TENM2: variants seen among roughly 807,000 people sequenced by gnomAD.
The protein encoded by TENM2 is teneurin-2.
Under a neutral mutation model 245.2 loss-of-function variants are expected in TENM2, and 52 were observed. The observed-to-expected ratio is 0.21, with a 90% CI of 0.17 to 0.27. The LOEUF (loss-of-function observed/expected upper bound fraction) is 0.27, where lower values mean the gene tolerates loss of function less well. Among genes scored for constraint, TENM2 ranks in the 10% least tolerant of loss-of-function variants. TENM2 has a pLI of 1.00. For missense variants in TENM2, 3,046 were observed against 3,666.8 expected, an observed-to-expected ratio of 0.83 and a Z score of 4.37; for synonymous variants, 1,363 against 1,438.9, an observed-to-expected ratio of 0.95 and a Z score of 1.19.
intron 2 of TENM2, among the ~76,000 whole-genome samples, chr5:167,831,636 G>C (rs1193256453): frequency 6.6e-6 from 1 of 151,782 alleles, no homozygotes; most frequent in African/African-American, 2.4e-5. Flanking sequence ...TTATTCTTTT[G>C]GTCCATTTTG....
In TENM2 at chr5:168,012,762, T is replaced by C. The variant is rs556290573; in HGVS notation, c.1186+19580T>C. Among the ~76,000 whole-genome samples, 9 of 83,424 alleles carry C rather than the reference T, an allele frequency of 1.1e-4. No individual in the cohort carries two copies. In the South Asian group the frequency reaches 2.9e-3, roughly 27 times the overall value. The allele number at this position is 83,424 out of a possible 152,430, so 54.7% of individuals were successfully genotyped here. A position where few individuals can be genotyped will look rare whatever the true frequency, so the allele number is the denominator to read the frequency against. On this transcript the variant is annotated intron_variant, in intron 5 of 28. Coordinates refer to ENST00000518659, the Ensembl canonical transcript of TENM2. ...AGGGATACCTTTCAGCTGTAAGTTA[T>C]CAAGAACAACTGAAAAAAAAAAAAA...
intron 2 of TENM2, among the ~76,000 whole-genome samples, chr5:167,443,451 T>C (rs1764979251): frequency 6.6e-6 from 1 of 152,190 alleles, no homozygotes; most frequent in Non-Finnish European, 1.5e-5. Flanking sequence ...AAACTTAGAA[T>C]TTTTACTCTC....
chr5:167,354,969 C>A (rs975212282), intron 1 of TENM2, among the ~76,000 whole-genome samples: 11 of 152,132 alleles, frequency 7.2e-5, no homozygotes, highest in Middle Eastern at 3.2e-3. Context: ...AAATAGTTAC[C>A]TCTCCCCTAC....
chr5:167,431,672 C>A (rs558142565), intron 2 of TENM2, among the ~76,000 whole-genome samples: 3 of 151,904 alleles, frequency 2.0e-5, no homozygotes, highest in Admixed American at 2.0e-4. Flanking sequence ...CAACAACAGA[C>A]ATTTATCGAT....
chr5:168,220,705 A>G (rs1313672204), intron 23 of TENM2, among the ~76,000 whole-genome samples: 1 of 152,142 alleles, frequency 6.6e-6, no homozygotes, highest in African/African-American at 2.4e-5. Context: ...AATCAGACAT[A>G]ACTTCACCTC....
In TENM2 at chr5:168,226,278, A is replaced by T. The variant is rs368646834; in HGVS notation, c.5284+15A>T. On this transcript the variant is annotated intron_variant, in intron 24 of 28. Coordinates refer to ENST00000518659, the Ensembl canonical transcript of TENM2. The stretch of plus-strand genomic sequence containing the variant: ...AGTGGTACAAGGTGAGCCTCCACCC[A>T]TACCATCCTACCCCCAAACTCACCC... 1.9e-6 allele frequency: 3 copies of T among 1,608,864 alleles called. No individual in the cohort carries two copies. The highest frequency in any genetic ancestry group is 2.5e-6 in the Non-Finnish European group (3 of 1,176,706).
chr5:168,136,989 A>G (rs905553490), intron 12 of TENM2, among the ~76,000 whole-genome samples: 1 of 151,862 alleles, frequency 6.6e-6, no homozygotes, highest in Non-Finnish European at 1.5e-5. Context: ...TATCCCCTAG[A>G]CTCCAGGTTC....
chr5:167,942,616 C>T (rs1583439129), intron 3 of TENM2, among the ~76,000 whole-genome samples: 1 of 152,106 alleles, frequency 6.6e-6, no homozygotes, highest in East Asian at 1.9e-4. Context: ...TCCTGGTGGT[C>T]CCAGTTTTTT....
chr5:167,013,440 G>C, the TENM2 span, among the ~76,000 whole-genome samples: 26 of 152,218 alleles, frequency 1.7e-4, no homozygotes, highest in Admixed American at 1.6e-3. Flanking sequence ...CTGATTCCAG[G>C]TAAATGAAAG....
intron 20 of TENM2, among the ~76,000 whole-genome samples, chr5:168,212,201 G>T (rs948421586): frequency 2.8e-5 from 4 of 145,048 alleles, no homozygotes; most frequent in Non-Finnish European, 6.0e-5. Context: ...AAAAAAAAAA[G>T]TTAATTGCCA....
intron 2 of TENM2, among the ~76,000 whole-genome samples, chr5:167,846,849 T>C (rs537161373): frequency 6.4e-4 from 97 of 152,216 alleles, no homozygotes; most frequent in Middle Eastern, 3.2e-3. Flanking sequence ...GAATTGAAAC[T>C]GCAGAATCAT....
chr5:167,199,856 T>C, the TENM2 span, among the ~76,000 whole-genome samples: 1 of 152,128 alleles, frequency 6.6e-6, no homozygotes, highest in South Asian at 2.1e-4. Flanking sequence ...TTTGTTGTGT[T>C]TTTTCTTAGG....
At position 167,974,038 on chromosome 5, in the gene TENM2, GA is replaced by G. The variant is rs1562001219; in HGVS notation, c.948-18904del. 1.2e-3 allele frequency among the ~76,000 whole-genome samples: 25 copies of G among 20,728 alleles called. 2 individuals are homozygous for G. The African/African-American group carries it at 0.013, about 10-fold the overall frequency. 13.6% of individuals were successfully genotyped at this position (20,728 alleles called of 152,430 possible). A position where few individuals can be genotyped will look rare whatever the true frequency, so the allele number is the denominator to read the frequency against. On this transcript the variant is annotated intron_variant, in intron 4 of 28. Coordinates refer to ENST00000518659, the Ensembl canonical transcript of TENM2. ...GAGGGAGGGAGGAAGGAAGGAAGGA[GA>G]AGGAAGGAAGGGAGGAAAGGAGGGA... is the stretch of plus-strand genomic sequence containing the variant.
At chr5:167,291,836 C>T (rs1754656270) in intron 1 of TENM2, among the ~76,000 whole-genome samples, 1 of 152,158 alleles carries the variant, frequency 6.6e-6, no homozygotes, top group Non-Finnish European at 1.5e-5. Flanking sequence ...TTTAAGGCTT[C>T]CTTTCTGTAG....
At chr5:168,113,201 T>G (rs2152320286) in intron 9 of TENM2, among the ~76,000 whole-genome samples, 2 of 152,098 alleles carry the variant, frequency 1.3e-5, no homozygotes, top group South Asian at 4.2e-4. Context: ...ACACCTGTGG[T>G]CCCAGATGCT....
At chr5:168,116,699 T>C (rs1405820624) in intron 9 of TENM2, among the ~76,000 whole-genome samples, 1 of 152,140 alleles carries the variant, frequency 6.6e-6, no homozygotes, top group East Asian at 1.9e-4. Flanking sequence ...CTTTGGGAAA[T>C]TAGACACGCA....
At chr5:167,766,756 G>A (rs568932729) in intron 2 of TENM2, among the ~76,000 whole-genome samples, 11 of 152,188 alleles carry the variant, frequency 7.2e-5, no homozygotes, top group African/African-American at 2.2e-4. Flanking sequence ...ATGCATTCCT[G>A]TAATTCCAGC....
At chr5:167,567,040 ATATAAT>A (rs1773951191) in intron 2 of TENM2, among the ~76,000 whole-genome samples, 1 of 117,274 alleles carries the variant, frequency 8.5e-6, no homozygotes, top group Admixed American at 8.8e-5. Context: ...ATAAGATCTG[ATATAAT>A]TATAATAAGC....
At chr5:167,941,422 G>A (rs1019708521) in intron 3 of TENM2, among the ~76,000 whole-genome samples, 1 of 152,164 alleles carries the variant, frequency 6.6e-6, no homozygotes, top group Non-Finnish European at 1.5e-5. Flanking sequence ...TGAAAAATAA[G>A]TGCACTGATT....
Sources: gnomAD v4.1 joint callset for allele counts (sites outside exome capture counted in the v4.1 genomes callset) on GRCh38, gnomAD v4.1.1 for gene constraint, MANE v1.5 for transcripts, NCBI Gene and HGNC (gene_info 2026-07-23, HGNC 2026-07-21) for gene names.